The following GAPDH variants were observed in gnomAD, a reference collection of about 807,000 sequenced individuals.
GAPDH encodes glyceraldehyde-3-phosphate dehydrogenase, also known as OCAS, p38 component.
In GAPDH, 13 loss-of-function variants were observed where a neutral mutation model predicts 31.2. That is an observed-to-expected ratio of 0.42 (90% confidence interval 0.27 to 0.66). The LOEUF is 0.66. Among genes scored for constraint, GAPDH ranks in the 30% least tolerant of loss-of-function variants. The pLI, the probability that GAPDH is intolerant of heterozygous loss-of-function variation, is 0.26. For synonymous variants in GAPDH, 211 were observed against 166.9 expected, an observed-to-expected ratio of 1.26 and a Z score of -2.04; for missense variants, 300 against 443.7, an observed-to-expected ratio of 0.68 and a Z score of 2.91.
Position 6,536,591 on chromosome 12 carries a change from A to G in GAPDH, c.127A>G (p.Met43Val). 4 of 1,612,870 alleles carry G rather than the reference A, an allele frequency of 2.5e-6. No homozygotes were observed. The highest frequency in any genetic ancestry group is 2.5e-6 in the Non-Finnish European group (3 of 1,178,994). ...TGACCCCTTCATTGACCTCAACTAC[A>G]TGGTGAGTGCTACATGGTGAGCCCC... ...INDPFIDLNY[M>V]VYMFQYDSTH... Residue 43 changes from methionine (M) to valine (V), a missense_variant and splice_region_variant, in exon 3 of 9, where the codon ATG becomes GTG. Met to Val is a conservative substitution (Grantham distance 21). Transcript: ENST00000229239.
Position 6,536,521 on chromosome 12 carries a change from C to T in GAPDH, c.57C>T (p.Thr19=). ...TTGGTCGTATTGGGCGCCTGGTCAC[C>T]AGGGCTGCTTTTAACTCTGGTAAAG... ...NGFGRIGRLV[T]RAAFNSGKVD... Residue 19 remains threonine (T), a synonymous_variant, in exon 3 of 9, where the codon ACC becomes ACT. Coordinates refer to ENST00000229239, the MANE Select transcript of GAPDH (RefSeq NM_002046.7). 2 of 1,613,810 alleles carry T rather than the reference C, an allele frequency of 1.2e-6. No individual in the cohort carries two copies. The highest frequency in any genetic ancestry group is 1.7e-5 in the Admixed American group (1 of 60,014).
chr12:6,535,789 C>T (rs1465939998), intron 2 of GAPDH, among the ~76,000 whole-genome samples: 1 of 152,168 alleles, frequency 6.6e-6, no homozygotes, highest in Non-Finnish European at 1.5e-5. Context: ...ACCAGATCTC[C>T]CACCGCACCC....
chr12:6,535,875 C>G (rs2136068765), intron 2 of GAPDH, among the ~76,000 whole-genome samples: 1 of 152,142 alleles, frequency 6.6e-6, no homozygotes, highest in East Asian at 1.9e-4. Flanking sequence ...CATCCCTTCT[C>G]CCCACACACA....
chr12:6,534,845 A>G lies in GAPDH; in HGVS notation c.13A>G (p.Lys5Glu), dbSNP rs1427406514. ...TCGCTCAGACACCATGGGGAAGGTGAAGGTCGGAGTCAACGGGTGAGTTCG... is the reference window on the plus strand; with the variant it reads ...TCGCTCAGACACCATGGGGAAGGTGGAGGTCGGAGTCAACGGGTGAGTTCG... MGKV[K>E]VGVNGFGRIG... The change falls in exon 2 of 9, where the codon AAG (lysine) becomes GAG (glutamate). Residue 5 changes from lysine to glutamate, a missense_variant. Lys to Glu is a moderately conservative substitution (Grantham distance 56, BLOSUM62 1). Transcript: ENST00000229239. 6.2e-7 allele frequency: 1 copy of G among 1,613,364 alleles called. No individual in the cohort carries two copies. The highest frequency in any genetic ancestry group is 1.3e-5 in the African/African-American group (1 of 74,858).
Position 6,534,581 on chromosome 12 carries a change from C to G in GAPDH, c.-24+12C>G, listed in dbSNP as rs1258489578. ...TTTTGCGTCGCCAGGTGAAGACGGG[C>G]GGAGAGAAACCCGGGAGGCTAGGGA... On this transcript the variant is annotated intron_variant, in intron 1 of 8. Transcript: ENST00000229239. 5.4e-6 allele frequency: 3 copies of G among 551,138 alleles called. No homozygotes were observed. The allele number at this position is 551,138 out of a possible 1,614,324, so 34.1% of individuals were successfully genotyped here.
intron 2 of GAPDH, among the ~76,000 whole-genome samples, 167 bp from the exon 3 acceptor site, chr12:6,536,315 TGCCTTAAGCCAG>T (rs1285924560): frequency 6.6e-6 from 1 of 152,178 alleles, no homozygotes; most frequent in Non-Finnish European, 1.5e-5. Flanking sequence ...GTTGCAGCCA[TGCCTTAAGCCAG>T]GCCAGCCTGG....
Position 6,538,124 on chromosome 12 carries a change from G to T in GAPDH, c.962G>T (p.Ser321Ile). Residue 321 changes from serine to isoleucine, a missense_variant, in exon 9 of 9, where the codon AGC becomes ATC. Coordinates refer to ENST00000229239, the MANE Select transcript of GAPDH (RefSeq NM_002046.7). Reference protein sequence around the residue: ...ISWYDNEFGYSNRVVDLMAHM... With the variant: ...ISWYDNEFGYINRVVDLMAHM... ...AGGTATGACAACGAATTTGGCTACA[G>T]CAACAGGGTGGTGGACCTCATGGCC... is the stretch of plus-strand genomic sequence containing the variant. 6.2e-7 allele frequency: 1 copy of T among 1,613,592 alleles called. No individual in the cohort carries two copies. The highest frequency in any genetic ancestry group is 8.5e-7 in the Non-Finnish European group (1 of 1,179,990).
chr12:6,537,436 C>T lies in GAPDH; in HGVS notation c.525+46C>T. ...GACTGAGGCTCCCACCTTTCTCATC[C>T]AAGACTGGCTCCTCCCTGCCGGGGC... On this transcript the variant is annotated intron_variant, in intron 7 of 8. Coordinates refer to ENST00000229239, the MANE Select transcript of GAPDH (RefSeq NM_002046.7). This position sits in a 1 kb window ranked among gnomAD's most constrained non-coding sequence, Gnocchi z 4.9. 1 of 1,589,900 alleles carries T rather than the reference C, an allele frequency of 6.3e-7. No individual in the cohort carries two copies. The highest frequency in any genetic ancestry group is 8.6e-7 in the Non-Finnish European group (1 of 1,160,518).
chr12:6,536,731 C>T lies in GAPDH; in HGVS notation c.177C>T (p.Thr59=), dbSNP rs771849987. ...CCACCCATGGCAAATTCCATGGCACCGTCAAGGCTGAGAACGGGAAGCTTG... is the reference window on the plus strand; with the variant it reads ...CCACCCATGGCAAATTCCATGGCACTGTCAAGGCTGAGAACGGGAAGCTTG... The part of the protein sequence containing the change: ...YDSTHGKFHG[T]VKAENGKLVI... Residue 59 remains threonine, a synonymous_variant, in exon 4 of 9, where the codon ACC becomes ACT. Coordinates refer to ENST00000229239, the MANE Select transcript of GAPDH (RefSeq NM_002046.7). 1.4e-5 allele frequency: 23 copies of T among 1,613,876 alleles called. No individual in the cohort carries two copies. The South Asian group carries it at 1.4e-4, about 10-fold the overall frequency.
Position 6,537,197 on chromosome 12 carries a change from A to G in GAPDH, c.424A>G (p.Asn142Asp). 2 of 1,612,682 alleles carry G rather than the reference A, an allele frequency of 1.2e-6. No homozygotes were observed. Among genetic ancestry groups the G allele is most frequent in the South Asian group, 2.2e-5 (2 of 91,086 alleles). Reference protein sequence around the residue: ...VMGVNHEKYDNSLKIISNASC... With the variant: ...VMGVNHEKYDDSLKIISNASC... ...GGGTGTGAACCATGAGAAGTATGAC[A>G]ACAGCCTCAAGATCATCAGGTGAGG... The change falls in exon 6 of 9, where the codon AAC (asparagine) becomes GAC (aspartate). Residue 142 changes from asparagine to aspartate, a missense_variant. By Grantham distance (23) the Asn-to-Asp change is conservative. Transcript: ENST00000229239. The surrounding 1 kb of genome is among the most constrained non-coding windows in gnomAD (Gnocchi z 4.9).
At chr12:6,536,442 A>G (rs1946467051) in intron 2 of GAPDH, 52 bp from the exon 3 acceptor site, 3 of 1,348,788 alleles carry the variant, frequency 2.2e-6, no homozygotes, top group East Asian at 2.3e-5. Context: ...GGCTGCTCAC[A>G]TATTCTGGAG....
chr12:6,534,843 T>G lies in GAPDH; in HGVS notation c.11T>G (p.Val4Gly), dbSNP rs369545182. 9.3e-6 allele frequency: 15 copies of G among 1,613,114 alleles called. No individual in the cohort carries two copies. The highest frequency in any genetic ancestry group is 1.3e-5 in the Non-Finnish European group (15 of 1,179,682). The change falls in exon 2 of 9, where the codon GTG (valine) becomes GGG (glycine). Residue 4 changes from valine to glycine, a missense_variant. Physicochemically the swap from Val to Gly is moderately radical, Grantham distance 109. Coordinates refer to ENST00000229239, the MANE Select transcript of GAPDH (RefSeq NM_002046.7). MGK[V>G]KVGVNGFGRI... ...CATCGCTCAGACACCATGGGGAAGGTGAAGGTCGGAGTCAACGGGTGAGTT... is the reference window on the plus strand; with the variant it reads ...CATCGCTCAGACACCATGGGGAAGGGGAAGGTCGGAGTCAACGGGTGAGTT...
chr12:6,536,662 A>G (rs749039230), intron 3 of GAPDH, 22 bp from the exon 4 acceptor site: 3 of 1,606,244 alleles, frequency 1.9e-6, no homozygotes, highest in South Asian at 2.2e-5. Flanking sequence ...CAGCCCCTTC[A>G]TACCCTCACG....
In GAPDH at chr12:6,537,659, G is replaced by A. The variant is rs1946509670; in HGVS notation, c.601G>A (p.Gly201Arg). 1.2e-6 allele frequency: 2 copies of A among 1,611,448 alleles called. No individual in the cohort carries two copies. Among genetic ancestry groups the A allele is most frequent in the African/African-American group, 1.3e-5 (1 of 74,972 alleles). The stretch of plus-strand genomic sequence containing the variant: ...CGGGAAACTGTGGCGTGATGGCCGC[G>A]GGGCTCTCCAGAACATCATCCCTGC... ...PSGKLWRDGRGALQNIIPAST... is the reference protein window; with the variant it reads ...PSGKLWRDGRRALQNIIPAST... Residue 201 changes from glycine to arginine, a missense_variant, in exon 8 of 9, where the codon GGG (glycine) becomes AGG (arginine). Physicochemically the swap from Gly to Arg is moderately radical, Grantham distance 125. Transcript: ENST00000229239. This position sits in a 1 kb window ranked among gnomAD's most constrained non-coding sequence, Gnocchi z 4.9.
At chr12:6,534,681 G>GC (rs1946418099) in intron 1 of GAPDH, 112 bp downstream of exon 1, 1 of 854,118 alleles carries the variant, frequency 1.2e-6, no homozygotes, top group Admixed American at 2.0e-5. Context: ...GGCGGCCTCC[G>GC]CATTGCAGGG....
In GAPDH at chr12:6,536,672, G is replaced by T; in HGVS notation, c.130-12G>T. On this transcript the variant is annotated splice_polypyrimidine_tract_variant and intron_variant, in intron 3 of 8. Transcript: ENST00000229239. ...ATGGGCAGCCCCTTCATACCCTCAC[G>T]TATTCCCCCAGGTTTACATGTTCCA... is the stretch of plus-strand genomic sequence containing the variant. 6.2e-7 allele frequency: 1 copy of T among 1,609,148 alleles called. No homozygotes were observed.
Position 6,537,343 on chromosome 12 carries a change from C to T in GAPDH, c.478C>T (p.Leu160=), listed in dbSNP as rs1198111423. The T allele has an allele frequency of 3.1e-6, 5 of 1,610,070 alleles. No homozygotes were observed. The highest frequency in any genetic ancestry group is 1.1e-5 in the South Asian group (1 of 91,084). Residue 160 remains leucine, a synonymous_variant, in exon 7 of 9, where the codon CTG becomes TTG. Coordinates refer to ENST00000229239, the MANE Select transcript of GAPDH (RefSeq NM_002046.7). The surrounding 1 kb of genome is among the most constrained non-coding windows in gnomAD (Gnocchi z 4.9). ...CTGCACCACCAACTGCTTAGCACCC[C>T]TGGCCAAGGTCATCCATGACAACTT... ...ASCTTNCLAP[L]AKVIHDNFGI... is the part of the protein sequence containing the mutation.
At position 6,537,748 on chromosome 12, in the gene GAPDH, C is replaced by A. The variant is rs1275841800; in HGVS notation, c.690C>A (p.Gly230=). The A allele has an allele frequency of 1.9e-6, 3 of 1,611,618 alleles. No individual in the cohort carries two copies. In the African/African-American group the frequency reaches 4.0e-5, roughly 22 times the overall value. Residue 230 remains glycine (G), a synonymous_variant, in exon 8 of 9, where the codon GGC becomes GGA. Transcript: ENST00000229239. This position sits in a 1 kb window ranked among gnomAD's most constrained non-coding sequence, Gnocchi z 4.9. ...CTGAGCTGAACGGGAAGCTCACTGGCATGGCCTTCCGTGTCCCCACTGCCA... is the reference window on the plus strand; with the variant it reads ...CTGAGCTGAACGGGAAGCTCACTGGAATGGCCTTCCGTGTCCCCACTGCCA... ...VIPELNGKLT[G]MAFRVPTANV...
chr12:6,534,910 C>T, intron 2 of GAPDH, 49 bp downstream of exon 2: 1 of 1,599,636 alleles, frequency 6.3e-7, no homozygotes, highest in Non-Finnish European at 8.6e-7. Context: ...CGCCCCCGAA[C>T]CGCGTCTACG....
Sources: gnomAD v4.1 joint callset for allele counts (sites outside exome capture counted in the v4.1 genomes callset) on GRCh38, gnomAD v4.1.1 for gene constraint, Gnocchi (gnomAD v3.1) non-coding constraint, MANE v1.5 for transcripts, NCBI Gene and HGNC (gene_info 2026-07-23, HGNC 2026-07-21) for gene names.